Variants in ABHD5 observed in about 807,000 individuals in gnomAD.
ABHD5 encodes the protein 1-acylglycerol-3-phosphate O-acyltransferase ABHD5.
Under a neutral mutation model 44.9 loss-of-function variants are expected in ABHD5, and 30 were observed. The observed-to-expected ratio is 0.67, with a 90% confidence interval of 0.50 to 0.91. The LOEUF (loss-of-function observed/expected upper bound fraction) is 0.91, where lower values mean the gene tolerates loss of function less well. Ranked by LOEUF, ABHD5 falls within the 40% of genes least tolerant of loss-of-function variation. ABHD5 has a pLI of 0.00. For synonymous variants in ABHD5, 167 were observed against 147.0 expected, an observed-to-expected ratio of 1.14 and a Z score of -0.99; for missense variants, 399 against 423.4, an observed-to-expected ratio of 0.94 and a Z score of 0.50.
intron 4 of ABHD5, among the ~76,000 whole-genome samples, chr3:43,714,677 T>A (rs1000421825): frequency 6.6e-6 from 1 of 152,232 alleles, no homozygotes; most frequent in Non-Finnish European, 1.5e-5. Flanking sequence ...AAGTGCCTTC[T>A]AACTTACATG....
intron 3 of ABHD5, among the ~76,000 whole-genome samples, chr3:43,705,448 A>G (rs2084606215): frequency 6.6e-6 from 1 of 152,250 alleles, no homozygotes. Flanking sequence ...TGTTTCTTCT[A>G]ACATTTACAC....
intron 4 of ABHD5, among the ~76,000 whole-genome samples, chr3:43,713,588 A>C (rs2084717311): frequency 6.6e-6 from 1 of 152,084 alleles, no homozygotes; most frequent in African/African-American, 2.4e-5. Flanking sequence ...TTCAGTGCTC[A>C]CAGATGGCAC....
intron 4 of ABHD5, among the ~76,000 whole-genome samples, chr3:43,712,133 C>T (rs2084697088): frequency 6.6e-6 from 1 of 152,136 alleles, no homozygotes; most frequent in African/African-American, 2.4e-5. Context: ...CAGTCCTCAA[C>T]ACTCTAAAAA....
Position 43,691,080 on chromosome 3 carries a change from G to C in ABHD5, c.47+41G>C, listed in dbSNP as rs376177401. 32 of 1,507,222 alleles carry C rather than the reference G, an allele frequency of 2.1e-5. No homozygotes were observed. In the African/African-American group the frequency reaches 2.4e-4, roughly 12 times the overall value. The allele number at this position is 1,507,222 out of a possible 1,614,324, so 93.4% of individuals were successfully genotyped here. On this transcript the variant is annotated intron_variant, in intron 1 of 6. Transcript: ENST00000644371. ...AGGGGGCTTCGTGTGTCTCCGGCGC[G>C]CACCCTCCGCGCGGGCCGGGTTAGG...
chr3:43,710,739 G>A (rs1469302608), intron 3 of ABHD5, among the ~76,000 whole-genome samples: 1 of 152,168 alleles, frequency 6.6e-6, no homozygotes, highest in East Asian at 1.9e-4. Flanking sequence ...TTAGGAAAGG[G>A]ACTTTAGAGT....
chr3:43,719,087 G>A lies in ABHD5; in HGVS notation c.*555G>A, dbSNP rs2084804155. The A allele has an allele frequency of 1.9e-5, 3 of 157,970 alleles. No homozygotes were observed. The highest frequency in any genetic ancestry group is 3.7e-4 in the South Asian group (2 of 5,418). 9.8% of individuals were successfully genotyped at this position (157,970 alleles called of 1,614,324 possible). ...CAAGGCAGATTTTTGGTTAGAGGAC[G>A]GGAGTTGATCACTATCATTACTTTT... On this transcript the variant is annotated 3_prime_UTR_variant, in exon 7 of 7. Transcript: ENST00000644371.
chr3:43,697,497 C>G (rs961408269), intron 1 of ABHD5, among the ~76,000 whole-genome samples: 2 of 152,034 alleles, frequency 1.3e-5, no homozygotes, highest in Non-Finnish European at 2.9e-5. Flanking sequence ...AATGGCTGGT[C>G]AAGGACAAAA....
chr3:43,715,488 A>G (rs1249324412), intron 5 of ABHD5, among the ~76,000 whole-genome samples: 1 of 152,190 alleles, frequency 6.6e-6, no homozygotes, highest in Non-Finnish European at 1.5e-5. Context: ...TCAGTGGTCC[A>G]GAAGATTTGT....
chr3:43,731,085 C>A (rs1372963382), intron 7 of ABHD5, among the ~76,000 whole-genome samples: 1 of 152,106 alleles, frequency 6.6e-6, no homozygotes, highest in African/African-American at 2.4e-5. Flanking sequence ...GCCTCGGCCT[C>A]CCAAAGTGCT....
At chr3:43,726,154 G>A (rs963095050), downstream of ABHD5, among the ~76,000 whole-genome samples, 3 of 152,056 alleles carry the variant, frequency 2.0e-5, no homozygotes, top group East Asian at 1.9e-4. Context: ...GTGAGCCACC[G>A]CACCAGGCCT....
chr3:43,731,078 T>C (rs1457029860), intron 7 of ABHD5, among the ~76,000 whole-genome samples: 2 of 152,076 alleles, frequency 1.3e-5, no homozygotes, highest in Non-Finnish European at 2.9e-5. Context: ...TCCACCTGCC[T>C]CGGCCTCCCA....
At chr3:43,694,712 T>TG (rs11288902) in intron 1 of ABHD5, among the ~76,000 whole-genome samples, 1,648 of 150,696 alleles carry the variant, frequency 0.011, 16 homozygotes, top group Middle Eastern at 0.054. Flanking sequence ...AGTTACAGGT[T>TG]GGGGGGGGAG....
intron 3 of ABHD5, among the ~76,000 whole-genome samples, chr3:43,706,839 G>A (rs760952755): frequency 1.5e-4 from 23 of 151,766 alleles, no homozygotes; most frequent in Non-Finnish European, 2.2e-4. Flanking sequence ...CTTACTTTCC[G>A]TTTTATGCAT....
At chr3:43,707,914 G>A (rs564757968) in intron 3 of ABHD5, 1 of 152,388 alleles carries the variant, frequency 6.6e-6, no homozygotes, top group Admixed American at 6.5e-5. Flanking sequence ...ACAGGCATGA[G>A]CTACCACGCC....
chr3:43,695,347 G>A (rs1395375665), intron 1 of ABHD5, among the ~76,000 whole-genome samples: 2 of 151,990 alleles, frequency 1.3e-5, no homozygotes, highest in Non-Finnish European at 2.9e-5. Context: ...TAATTCATTT[G>A]GATATTTATA....
In ABHD5 at chr3:43,722,284, T is replaced by C. The variant is rs2084845749; in HGVS notation, c.*3752T>C. 1 of 152,214 alleles carries C rather than the reference T, an allele frequency of 6.6e-6. No homozygotes were observed. Among genetic ancestry groups the C allele is most frequent in the African/African-American group, 2.4e-5 (1 of 41,454 alleles). 9.4% of individuals were successfully genotyped at this position (152,214 alleles called of 1,614,324 possible). A position where few individuals can be genotyped will look rare whatever the true frequency, so the allele number is the denominator to read the frequency against. Reference sequence around the variant, plus strand: ...CTGCGAACTATTTTTGTAGTTCTGGTCTGGAGAAATCTCCAGAATATAGGA... The same window carrying C: ...CTGCGAACTATTTTTGTAGTTCTGGCCTGGAGAAATCTCCAGAATATAGGA... On this transcript the variant is annotated 3_prime_UTR_variant, in exon 7 of 7. Transcript: ENST00000644371.
chr3:43,733,490 T>C (rs1697276915), intron 7 of ABHD5, among the ~76,000 whole-genome samples: 1 of 152,232 alleles, frequency 6.6e-6, no homozygotes, highest in South Asian at 2.1e-4. Flanking sequence ...TAAAATGGGT[T>C]TGGCAGTTTT....
At chr3:43,716,364 A>G (rs536678397) in intron 5 of ABHD5, among the ~76,000 whole-genome samples, 3 of 152,260 alleles carry the variant, frequency 2.0e-5, no homozygotes, top group South Asian at 2.1e-4. Context: ...TAGGTGAACT[A>G]TGGAGCACAC....
At chr3:43,707,996 T>C (rs2084643788) in intron 3 of ABHD5, among the ~76,000 whole-genome samples, 1 of 152,244 alleles carries the variant, frequency 6.6e-6, no homozygotes, top group African/African-American at 2.4e-5. Flanking sequence ...AGGTCAGGCT[T>C]ATCTACCCTT....
Sources: gnomAD v4.1 joint callset for allele counts (sites outside exome capture counted in the v4.1 genomes callset) on GRCh38, gnomAD v4.1.1 for gene constraint, MANE v1.5 for transcripts, NCBI Gene and HGNC (gene_info 2026-07-23, HGNC 2026-07-21) for gene names.